The following ENAH variants were observed in gnomAD, a reference collection of about 807,000 sequenced individuals.
ENAH encodes protein enabled homolog.
ENAH carries 23 observed loss-of-function variants against 78.7 expected under a neutral mutation model. The observed-to-expected ratio is 0.29, with a 90% CI of 0.21 to 0.41. The LOEUF (loss-of-function observed/expected upper bound fraction) is 0.41, where lower values mean the gene tolerates loss of function less well. ENAH is among the 10% of genes least tolerant of loss of function. The pLI, the probability that ENAH is intolerant of heterozygous loss-of-function variation, is 1.00. For synonymous variants in ENAH, 226 were observed against 241.0 expected (o/e 0.94, Z 0.58); for missense variants, 544 against 691.0 (o/e 0.79, Z 2.39).
chr1:225,520,963 AGG>A (rs2096463730), intron 4 of ENAH, among the ~76,000 whole-genome samples: 1 of 12,318 alleles, frequency 8.1e-5, no homozygotes, highest in Non-Finnish European at 1.4e-4. Flanking sequence ...GGAGGGAGGG[AGG>A]GAGGGAGGGA....
At chr1:225,506,164 T>A (rs547695013) in intron 11 of ENAH, among the ~76,000 whole-genome samples, 6 of 152,260 alleles carry the variant, frequency 3.9e-5, no homozygotes, top group African/African-American at 1.4e-4. Flanking sequence ...AGCTTTTAGT[T>A]CACTGTGAAA....
intron 1 of ENAH, among the ~76,000 whole-genome samples, chr1:225,601,398 G>T (rs1452356896): frequency 6.6e-6 from 1 of 151,922 alleles, no homozygotes; most frequent in Non-Finnish European, 1.5e-5. Context: ...GACGCATGTA[G>T]TCCCAGCTAC....
chr1:225,537,130 GAAA>G (rs200462336), intron 3 of ENAH, among the ~76,000 whole-genome samples: 1 of 149,732 alleles, frequency 6.7e-6, no homozygotes, highest in Non-Finnish European at 1.5e-5. Flanking sequence ...TATTTAAAGA[GAAA>G]AAAAAACCCA....
chr1:225,535,054 T>TAC (rs2096555237), intron 3 of ENAH, among the ~76,000 whole-genome samples: 2 of 152,110 alleles, frequency 1.3e-5, no homozygotes, highest in Non-Finnish European at 2.9e-5. Flanking sequence ...AGTAATAGCT[T>TAC]ACATCTGCCT....
At chr1:225,507,239 C>CA (rs2096339186) in intron 11 of ENAH, among the ~76,000 whole-genome samples, 1 of 151,988 alleles carries the variant, frequency 6.6e-6, no homozygotes, top group Admixed American at 6.6e-5. Context: ...TAGGGAAATA[C>CA]ATGTTTCTAC....
chr1:225,577,744 A>G lies in ENAH; in HGVS notation c.6-10330T>C, dbSNP rs184047678. Among the ~76,000 whole-genome samples the G allele has an allele frequency of 4.7e-3, 719 of 152,336 alleles. 9 individuals are homozygous for G. Among genetic ancestry groups the G allele is most frequent in the Non-Finnish European group, 5.3e-3 (359 of 68,040 alleles). ...ATGATTTAAAAGAAAACATTTCAGC[A>G]AATCTATTGGGTCATTCTGCAGGAT... On this transcript the variant is annotated intron_variant, in intron 1 of 13. Coordinates refer to ENST00000366843, the MANE Select transcript of ENAH (RefSeq NM_018212.6).
At position 225,494,586 on chromosome 1, in the gene ENAH, C is replaced by T. The variant is rs911269446; in HGVS notation, c.*3189G>A. ...GCAGAGAGAAAATAAGAAGAGGGAA[C>T]ACCCAACAGTTATTTCAAACAAAAA... On this transcript the variant is annotated 3_prime_UTR_variant, in exon 14 of 14. Transcript: ENST00000366843. The T allele has an allele frequency of 6.6e-6, 1 of 152,124 alleles. No homozygotes were observed. Among genetic ancestry groups the T allele is most frequent in the Non-Finnish European group, 1.5e-5 (1 of 67,986 alleles). The allele number at this position is 152,124 out of a possible 1,614,324, so 9.4% of individuals were successfully genotyped here. A position where few individuals can be genotyped will look rare whatever the true frequency, so the allele number is the denominator to read the frequency against.
chr1:225,597,114 C>T (rs1047610401), intron 1 of ENAH, among the ~76,000 whole-genome samples: 7 of 152,064 alleles, frequency 4.6e-5, no homozygotes, highest in Admixed American at 3.3e-4. Context: ...ACATGTAGGA[C>T]GTATACCCAA....
chr1:225,513,258 T>G (rs1460912465), intron 7 of ENAH, among the ~76,000 whole-genome samples: 4 of 152,164 alleles, frequency 2.6e-5, no homozygotes, highest in Non-Finnish European at 5.9e-5. Flanking sequence ...TGTGCTGCCA[T>G]GAAAAGGGCA....
intron 2 of ENAH, among the ~76,000 whole-genome samples, chr1:225,566,087 C>T (rs745569539): frequency 2.1e-4 from 32 of 151,928 alleles, no homozygotes; most frequent in Non-Finnish European, 3.5e-4. Flanking sequence ...CCAGTGTTTC[C>T]TAATTTCTTG....
intron 1 of ENAH, among the ~76,000 whole-genome samples, chr1:225,591,836 A>T (rs996345040): frequency 6.6e-6 from 1 of 150,754 alleles, no homozygotes; most frequent in East Asian, 2.0e-4. Flanking sequence ...GTACTAAATT[A>T]TTCAGGGCAG....
At chr1:225,640,743 C>T (rs1345235548) in intron 1 of ENAH, among the ~76,000 whole-genome samples, 1 of 152,110 alleles carries the variant, frequency 6.6e-6, no homozygotes, top group Non-Finnish European at 1.5e-5. Flanking sequence ...ATAAAGGTTT[C>T]ATACAGTAAG....
chr1:225,602,266 G>A (rs1478640531), intron 1 of ENAH, among the ~76,000 whole-genome samples: 3 of 152,098 alleles, frequency 2.0e-5, no homozygotes, highest in African/African-American at 7.2e-5. Context: ...ACTCCGTGAT[G>A]AGACCTTTTT....
intron 1 of ENAH, among the ~76,000 whole-genome samples, chr1:225,571,360 G>A (rs1348104839): frequency 6.6e-6 from 1 of 151,694 alleles, no homozygotes; most frequent in Non-Finnish European, 1.5e-5. Flanking sequence ...GCGACAGAGT[G>A]AGACTCTGTC....
At chr1:225,648,112 T>C (rs1662308497) in intron 1 of ENAH, among the ~76,000 whole-genome samples, 2 of 152,150 alleles carry the variant, frequency 1.3e-5, no homozygotes, top group Admixed American at 1.3e-4. Context: ...TAAACCCTTA[T>C]CTGAAGAAGC....
Position 225,620,523 on chromosome 1 carries a change from T to G in ENAH, c.5+32163A>C, listed in dbSNP as rs1384394611. 2.7e-5 allele frequency among the ~76,000 whole-genome samples: 4 copies of G among 150,778 alleles called. No individual in the cohort carries two copies. In the East Asian group the frequency reaches 7.9e-4, roughly 30 times the overall value. ...CCAGCCTGGGTAATAAGAGCAAAAC[T>G]GTCTCAAAAATGTCCCAGGCCTCTA... On this transcript the variant is annotated intron_variant, in intron 1 of 13. Coordinates refer to ENST00000366843, the MANE Select transcript of ENAH (RefSeq NM_018212.6).
intron 7 of ENAH, among the ~76,000 whole-genome samples, chr1:225,513,637 T>G (rs2096393858): frequency 6.6e-6 from 1 of 152,160 alleles, no homozygotes; most frequent in South Asian, 2.1e-4. Context: ...AAATTCACAC[T>G]GAGGTACTTA....
In ENAH at chr1:225,501,024, T is replaced by C. The variant is rs2096279526; in HGVS notation, c.1585A>G (p.Thr529Ala). The change falls in exon 12 of 14, where the codon ACG becomes GCG. Residue 529 changes from threonine to alanine, a missense_variant. Thr to Ala is a moderately conservative substitution (Grantham distance 58). This residue lies in a region of ENAH where 97 missense variants were observed against 124.4 expected (regional missense o/e 0.78). Transcript: ENST00000366843. ...AGCCTGTCATAGTCAAGTCCTTCCG[T>C]CTGGACTCCATTGGCACTGGGCTGT... ...LSQPSANGVQ[T>A]EGLDYDRLKQ... is the part of the protein sequence containing the mutation. 21 of 1,614,190 alleles carry C rather than the reference T, an allele frequency of 1.3e-5. No individual in the cohort carries two copies. Among genetic ancestry groups the C allele is most frequent in the Non-Finnish European group, 1.8e-5 (21 of 1,180,026 alleles).
chr1:225,606,703 C>G (rs766527177), intron 1 of ENAH, among the ~76,000 whole-genome samples: 18 of 151,426 alleles, frequency 1.2e-4, no homozygotes, highest in African/African-American at 4.1e-4. Flanking sequence ...ACTAGCTGGA[C>G]GTGGTGGAGT....
Sources: gnomAD v4.1 joint callset for allele counts (sites outside exome capture counted in the v4.1 genomes callset) on GRCh38, gnomAD v4.1.1 for gene constraint, gnomAD v4.1.1 regional missense constraint, MANE v1.5 for transcripts, NCBI Gene and HGNC (gene_info 2026-07-23, HGNC 2026-07-21) for gene names.